The following GSKIP variants were observed in gnomAD, a reference collection of about 807,000 sequenced individuals.
The protein encoded by GSKIP is GSK3B interacting protein.
In GSKIP, 5 loss-of-function variants were observed where a neutral mutation model predicts 11.9. That is an observed-to-expected ratio of 0.42 (90% CI 0.22 to 0.89). GSKIP has a LOEUF of 0.89. GSKIP is among the 40% of genes least tolerant of loss of function. The pLI is 0.29. For missense variants in GSKIP, 150 were observed against 166.6 expected, an observed-to-expected ratio of 0.90 and a Z score of 0.55; for synonymous variants, 70 against 62.9, an observed-to-expected ratio of 1.11 and a Z score of -0.54.
At chr14:96,381,121 C>G (rs1595351423) in intron 2 of GSKIP, among the ~76,000 whole-genome samples, 1 of 152,200 alleles carries the variant, frequency 6.6e-6, no homozygotes, top group Non-Finnish European at 1.5e-5. Context: ...TCTGTAAAGC[C>G]TTTTGTACAT....
intron 1 of GSKIP, among the ~76,000 whole-genome samples, chr14:96,376,399 CTT>C (rs1889204570): frequency 1.3e-5 from 2 of 152,168 alleles, no homozygotes; most frequent in East Asian, 1.9e-4. Context: ...ATTTATAACT[CTT>C]TATTCATGCT....
rs1889484330 is a variant in GSKIP, at chr14:96,386,106, A to C, written c.*422A>C. 1 of 152,986 alleles carries C rather than the reference A, an allele frequency of 6.5e-6. No homozygotes were observed. Among genetic ancestry groups the C allele is most frequent in the African/African-American group, 2.4e-5 (1 of 41,454 alleles). The allele number at this position is 152,986 out of a possible 1,614,324, so 9.5% of individuals were successfully genotyped here. A position where few individuals can be genotyped will look rare whatever the true frequency, so the allele number is the denominator to read the frequency against. On this transcript the variant is annotated 3_prime_UTR_variant, in exon 4 of 4. Coordinates refer to ENST00000555181, the MANE Select transcript of GSKIP (RefSeq NM_016472.5). ...AGGGGTTCAATACTAGCTTGGACAAACTTTGTAGTAATTAATTGCTACCAG... is the reference window on the plus strand; with the variant it reads ...AGGGGTTCAATACTAGCTTGGACAACCTTTGTAGTAATTAATTGCTACCAG...
chr14:96,378,298 A>C (rs1383148309), intron 1 of GSKIP, among the ~76,000 whole-genome samples: 3 of 152,182 alleles, frequency 2.0e-5, no homozygotes, highest in Non-Finnish European at 4.4e-5. Context: ...CCACTGCACT[A>C]TGGCCTAGGT....
chr14:96,366,688 G>A (rs1440530915), intron 1 of GSKIP, among the ~76,000 whole-genome samples: 1 of 152,202 alleles, frequency 6.6e-6, no homozygotes, highest in African/African-American at 2.4e-5. Flanking sequence ...GAGACCAGGA[G>A]TTTGAAACCA....
chr14:96,374,954 A>C (rs1477598380), intron 1 of GSKIP, among the ~76,000 whole-genome samples: 3 of 152,230 alleles, frequency 2.0e-5, no homozygotes, highest in Non-Finnish European at 1.5e-5. Context: ...TCTCTCTGAA[A>C]AATAATTGAC....
At position 96,382,256 on chromosome 14, in the gene GSKIP, A is replaced by G. The variant is rs1889364962; in HGVS notation, c.9A>G (p.Thr3=). 3.8e-6 allele frequency: 6 copies of G among 1,580,964 alleles called. No individual in the cohort carries two copies. The highest frequency in any genetic ancestry group is 5.2e-6 in the Non-Finnish European group (6 of 1,164,162). ME[T]DCNPMELSSM... ...TTTTTTTTTTTTACAGAATGGAAAC[A>G]GACTGTAATCCCATGGAGCTAAGCA... The change falls in exon 3 of 4, where the codon ACA becomes ACG. Residue 3 remains threonine (T), a synonymous_variant. Coordinates refer to ENST00000555181, the MANE Select transcript of GSKIP (RefSeq NM_016472.5).
At chr14:96,369,781 T>C (rs1341989213) in intron 1 of GSKIP, among the ~76,000 whole-genome samples, 3 of 152,104 alleles carry the variant, frequency 2.0e-5, no homozygotes, top group African/African-American at 7.2e-5. Context: ...AAGACTCTGC[T>C]AGGACATTGC....
intron 1 of GSKIP, chr14:96,364,749 T>C (rs1888820500): frequency 1.3e-5 from 2 of 152,224 alleles, no homozygotes; most frequent in Admixed American, 6.5e-5. Context: ...GTCACCACAG[T>C]TGATCATGTG....
At chr14:96,366,921 T>G (rs1002599174) in intron 1 of GSKIP, among the ~76,000 whole-genome samples, 7 of 152,140 alleles carry the variant, frequency 4.6e-5, no homozygotes, top group Admixed American at 1.3e-4. Flanking sequence ...AGGAGATGTA[T>G]TTGACCTTTT....
At chr14:96,373,394 G>A (rs964884724) in intron 1 of GSKIP, among the ~76,000 whole-genome samples, 3 of 152,036 alleles carry the variant, frequency 2.0e-5, no homozygotes, top group African/African-American at 7.2e-5. Flanking sequence ...TGTTGTGCCA[G>A]TTTACACTCC....
intron 3 of GSKIP, 136 bp from the exon 4 acceptor site, chr14:96,385,387 T>C (rs2139946728): frequency 4.8e-6 from 3 of 619,048 alleles, no homozygotes; most frequent in South Asian, 4.1e-5. Context: ...CAGTTACCCA[T>C]GTATCTGGTG....
intron 1 of GSKIP, among the ~76,000 whole-genome samples, chr14:96,368,682 TTCTCTCTGTA>T (rs1375150303): frequency 6.6e-6 from 1 of 152,074 alleles, no homozygotes; most frequent in East Asian, 1.9e-4. Flanking sequence ...ATGAATGGCT[TTCTCTCTGTA>T]TCTCTCTGTA....
At position 96,385,580 on chromosome 14, in the gene GSKIP, A is replaced by G; in HGVS notation, c.316A>G (p.Thr106Ala). The G allele has an allele frequency of 1.9e-6, 3 of 1,613,152 alleles. No homozygotes were observed. Among genetic ancestry groups the G allele is most frequent in the Non-Finnish European group, 2.5e-6 (3 of 1,179,320 alleles). The change falls in exon 4 of 4, where the codon ACA becomes GCA. Residue 106 changes from threonine (T) to alanine (A), a missense_variant. Thr to Ala is a moderately conservative substitution (Grantham distance 58). Transcript: ENST00000555181. ...DDHLQTPYHE[T>A]VYSLLDTLSP... ...TCATTTACAGACTCCCTACCATGAAACAGTCTACTCCTTGTTGGATACACT... is the reference window on the plus strand; with the variant it reads ...TCATTTACAGACTCCCTACCATGAAGCAGTCTACTCCTTGTTGGATACACT...
At chr14:96,376,197 G>A (rs1032221764) in intron 1 of GSKIP, among the ~76,000 whole-genome samples, 2 of 152,206 alleles carry the variant, frequency 1.3e-5, no homozygotes, top group South Asian at 2.1e-4. Flanking sequence ...TTTCCATTCC[G>A]AAGACCTTAA....
chr14:96,385,979 G>C lies in GSKIP; in HGVS notation c.*295G>C. On this transcript the variant is annotated 3_prime_UTR_variant, in exon 4 of 4. Coordinates refer to ENST00000555181, the MANE Select transcript of GSKIP (RefSeq NM_016472.5). ...CTATTTCATACTATTACAGGGCTTT[G>C]ATGCTGCCAGCACTGTCTTTTACAT... The C allele has an allele frequency of 7.6e-6, 2 of 263,692 alleles. No individual in the cohort carries two copies. The highest frequency in any genetic ancestry group is 7.4e-6 in the Non-Finnish European group (1 of 135,702). The allele number at this position is 263,692 out of a possible 1,614,324, so 16.3% of individuals were successfully genotyped here. A position where few individuals can be genotyped will look rare whatever the true frequency, so the allele number is the denominator to read the frequency against.
At position 96,385,636 on chromosome 14, in the gene GSKIP, C is replaced by A; in HGVS notation, c.372C>A (p.Asn124Lys). The A allele has an allele frequency of 6.2e-7, 1 of 1,613,408 alleles. No homozygotes were observed. The highest frequency in any genetic ancestry group is 8.5e-7 in the Non-Finnish European group (1 of 1,179,714). Residue 124 changes from asparagine (N) to lysine (K), a missense_variant, in exon 4 of 4, where the codon AAC becomes AAA. Physicochemically the swap from Asn to Lys is moderately conservative, Grantham distance 94 (BLOSUM62 0). Transcript: ENST00000555181. ...LSPAYREAFG[N>K]ALLQRLEALK... is the part of the protein sequence containing the mutation. ...CCGCCTACCGAGAAGCATTTGGAAA[C>A]GCACTGCTTCAAAGACTGGAAGCTT... is the stretch of plus-strand genomic sequence containing the variant.
At chr14:96,368,322 G>C (rs1210431702) in intron 1 of GSKIP, among the ~76,000 whole-genome samples, 1 of 151,788 alleles carries the variant, frequency 6.6e-6, no homozygotes, top group Non-Finnish European at 1.5e-5. Flanking sequence ...GGGACTACAG[G>C]CTTGTGCCAC....
intron 1 of GSKIP, among the ~76,000 whole-genome samples, chr14:96,365,611 A>T (rs976655552): frequency 3.3e-5 from 5 of 151,866 alleles, no homozygotes; most frequent in Non-Finnish European, 7.4e-5. Flanking sequence ...TGGGCGGATC[A>T]CTTGAGGTCA....
At chr14:96,366,309 G>A (rs539182452) in intron 1 of GSKIP, among the ~76,000 whole-genome samples, 1 of 148,878 alleles carries the variant, frequency 6.7e-6, no homozygotes, top group East Asian at 1.9e-4. Context: ...AATTGCATTC[G>A]GGCTATCCAT....
Sources: allele counts gnomAD v4.1 joint callset (sites outside exome capture counted in the v4.1 genomes callset), GRCh38; gene constraint gnomAD v4.1.1; transcripts MANE v1.5; gene names NCBI Gene and HGNC (gene_info 2026-07-23, HGNC 2026-07-21).